The following NRG1 variants were observed in gnomAD, a reference collection of about 807,000 sequenced individuals.
NRG1 encodes the protein pro-neuregulin-1, membrane-bound isoform.
Under a neutral mutation model 63.8 loss-of-function variants are expected in NRG1, and 18 were observed. That is an observed-to-expected ratio of 0.28 (90% confidence interval 0.19 to 0.42). NRG1 has a LOEUF of 0.42. Ranked by LOEUF, NRG1 falls within the 10% of genes least tolerant of loss-of-function variation. The pLI, the probability that NRG1 is intolerant of heterozygous loss-of-function variation, is 1.00. For synonymous variants in NRG1, 302 were observed against 301.3 expected (o/e 1.00, Z -0.02); for missense variants, 762 against 814.7 (o/e 0.94, Z 0.79).
At chr8:32,733,272 AG>A (rs1333785216) in intron 6 of NRG1, among the ~76,000 whole-genome samples, 1 of 152,220 alleles carries the variant, frequency 6.6e-6, no homozygotes. Flanking sequence ...AAATTTGGAA[AG>A]ATGGAAGGTA....
chr8:32,506,374 C>G (rs986670569), intron 1 of NRG1, among the ~76,000 whole-genome samples: 1 of 152,148 alleles, frequency 6.6e-6, no homozygotes, highest in South Asian at 2.1e-4. Context: ...ACAACATTTG[C>G]CCAAAGGGTC....
intron 1 of NRG1, among the ~76,000 whole-genome samples, chr8:32,324,626 C>T (rs963243062): frequency 6.6e-6 from 1 of 152,088 alleles, no homozygotes; most frequent in African/African-American, 2.4e-5. Context: ...TCTGTGGTTG[C>T]AGAATAAATA....
intron 1 of NRG1, among the ~76,000 whole-genome samples, chr8:32,235,686 A>C (rs1847472212): frequency 6.7e-6 from 1 of 149,522 alleles, no homozygotes; most frequent in African/African-American, 2.4e-5. Flanking sequence ...TTTCAGTCTT[A>C]GGCAAACTGG....
intron 1 of NRG1, among the ~76,000 whole-genome samples, chr8:31,670,792 TA>T (rs1008195339): frequency 1.3e-5 from 2 of 152,176 alleles, no homozygotes; most frequent in African/African-American, 4.8e-5. Context: ...CTTGGGTTTT[TA>T]TTTTTTTTCT....
At chr8:32,050,682 C>A (rs1821840127) in intron 1 of NRG1, among the ~76,000 whole-genome samples, 1 of 152,052 alleles carries the variant, frequency 6.6e-6, no homozygotes, top group East Asian at 1.9e-4. Context: ...TCCTCCGTAC[C>A]CAAAGCTGAG....
intron 1 of NRG1, among the ~76,000 whole-genome samples, chr8:32,210,456 G>A (rs767625089): frequency 6.6e-6 from 1 of 152,070 alleles, no homozygotes; most frequent in Admixed American, 6.6e-5. Flanking sequence ...CTCCCGAAAG[G>A]GTCTTGAAGA....
intron 1 of NRG1, among the ~76,000 whole-genome samples, chr8:32,480,009 G>A (rs1825050225): frequency 6.6e-6 from 1 of 152,098 alleles, no homozygotes; most frequent in Admixed American, 6.6e-5. Context: ...ATCACTTAAA[G>A]ACCCATACAG....
chr8:32,373,699 T>A (rs1382797872), intron 1 of NRG1, among the ~76,000 whole-genome samples: 1 of 152,118 alleles, frequency 6.6e-6, no homozygotes, highest in East Asian at 1.9e-4. Context: ...AATCGCTTGA[T>A]CCTGGGAGGT....
At chr8:32,021,291 G>A (rs1298439013) in intron 1 of NRG1, among the ~76,000 whole-genome samples, 1 of 99,284 alleles carries the variant, frequency 1.0e-5, no homozygotes, top group Admixed American at 1.0e-4. Context: ...CTGGCTTCTG[G>A]CAGGGGCTTT....
chr8:32,603,549 C>T (rs776678168), intron 2 of NRG1, among the ~76,000 whole-genome samples: 6 of 152,022 alleles, frequency 3.9e-5, no homozygotes, highest in South Asian at 2.1e-4. Context: ...GTGGTCTCGG[C>T]TCACTGCAAC....
At chr8:32,721,625 C>A (rs1156963205) in intron 5 of NRG1, 1 of 176,662 alleles carries the variant, frequency 5.7e-6, no homozygotes, top group East Asian at 1.6e-4. Flanking sequence ...TATGCAGGTT[C>A]TTTGATCTCC....
At chr8:32,398,414 T>TC (rs1812719535) in intron 1 of NRG1, among the ~76,000 whole-genome samples, 2 of 150,210 alleles carry the variant, frequency 1.3e-5, no homozygotes, top group Admixed American at 6.6e-5. Flanking sequence ...ACCCAAATTT[T>TC]TTTTTTTTTT....
chr8:32,412,534 T>A (rs1202547313), intron 1 of NRG1, among the ~76,000 whole-genome samples: 2 of 147,864 alleles, frequency 1.4e-5, no homozygotes, highest in Admixed American at 6.8e-5. Context: ...TATACAGTTA[T>A]GTGTCACTTA....
intron 1 of NRG1, among the ~76,000 whole-genome samples, chr8:32,525,619 C>T (rs1405999870): frequency 1.3e-5 from 2 of 152,094 alleles, no homozygotes; most frequent in African/African-American, 4.8e-5. Context: ...GAGACTAAAC[C>T]TCCTGTCCCC....
At chr8:32,606,712 G>A (rs1035263705) in intron 3 of NRG1, among the ~76,000 whole-genome samples, 5 of 152,028 alleles carry the variant, frequency 3.3e-5, no homozygotes, top group Non-Finnish European at 5.9e-5. Context: ...TACAAAATTT[G>A]TCATCTGTTA....
intron 2 of NRG1, among the ~76,000 whole-genome samples, chr8:32,603,370 CT>C (rs1844696285): frequency 6.6e-6 from 1 of 152,124 alleles, no homozygotes; most frequent in South Asian, 2.1e-4. Flanking sequence ...AATGAAAAGC[CT>C]GTCTTTATTT....
At chr8:32,208,625 C>T (rs909407531) in intron 1 of NRG1, among the ~76,000 whole-genome samples, 1 of 151,930 alleles carries the variant, frequency 6.6e-6, no homozygotes, top group Non-Finnish European at 1.5e-5. Flanking sequence ...ATATATATAG[C>T]CTAAGAAATA....
intron 1 of NRG1, among the ~76,000 whole-genome samples, chr8:31,847,781 A>G (rs1265630852): frequency 1.3e-4 from 20 of 152,176 alleles, no homozygotes; most frequent in Admixed American, 1.3e-3. Flanking sequence ...GTGAATGTCT[A>G]ATTTCACTGT....
At chr8:32,398,758 GC>G (rs1234977684) in intron 1 of NRG1, among the ~76,000 whole-genome samples, 2 of 152,078 alleles carry the variant, frequency 1.3e-5, no homozygotes, top group African/African-American at 2.4e-5. Flanking sequence ...CTCCTGCCAT[GC>G]TGAACAGTTG....
Sources: allele counts gnomAD v4.1 joint callset (sites outside exome capture counted in the v4.1 genomes callset), GRCh38; gene constraint gnomAD v4.1.1; transcripts MANE v1.5; gene names NCBI Gene and HGNC (gene_info 2026-07-23, HGNC 2026-07-21).